Variants in TMC1 observed in about 807,000 individuals in gnomAD.
TMC1 encodes the protein transmembrane channel like 1.
Under a neutral mutation model 105.8 loss-of-function variants are expected in TMC1, and 84 were observed. The observed-to-expected ratio is 0.79, with a 90% CI of 0.67 to 0.95. TMC1 has a LOEUF of 0.95. Ranked by LOEUF, TMC1 falls within the 40% of genes least tolerant of loss-of-function variation. TMC1 has a pLI of 0.00. For missense variants in TMC1, 817 were observed against 914.1 expected (o/e 0.89, Z 1.37); for synonymous variants, 315 against 311.5 (o/e 1.01, Z -0.12).
intron 5 of TMC1, among the ~76,000 whole-genome samples, chr9:72,659,096 A>AT: frequency 6.6e-6 from 1 of 152,328 alleles, no homozygotes; most frequent in East Asian, 1.9e-4. Flanking sequence ...AGATGCCTAT[A>AT]TTCACTTCCG....
intron 1 of TMC1, among the ~76,000 whole-genome samples, chr9:72,543,076 G>T (rs776662259): frequency 2.0e-5 from 3 of 152,156 alleles, no homozygotes; most frequent in Non-Finnish European, 4.4e-5. Context: ...AAGGTGTCAT[G>T]TTACATTTTA....
chr9:72,821,235 T>G (rs1445168950), intron 20 of TMC1, among the ~76,000 whole-genome samples, 154 bp downstream of exon 20: 4 of 152,182 alleles, frequency 2.6e-5, no homozygotes, highest in Non-Finnish European at 2.9e-5. Context: ...GGCTCATGCC[T>G]GTAATCCCAG....
At chr9:72,681,416 T>G (rs955759227) in intron 5 of TMC1, among the ~76,000 whole-genome samples, 1 of 152,070 alleles carries the variant, frequency 6.6e-6, no homozygotes, top group Non-Finnish European at 1.5e-5. Flanking sequence ...AAGCCAGCCC[T>G]CCAAACCACA....
chr9:72,604,775 A>T (rs144531231), intron 2 of TMC1, among the ~76,000 whole-genome samples: 6,485 of 152,340 alleles, frequency 0.043, 210 homozygotes, highest in Middle Eastern at 0.095. Context: ...ACTTAAAAAC[A>T]GTTTAAAGAA....
intron 2 of TMC1, among the ~76,000 whole-genome samples, chr9:72,582,185 G>T (rs1040886658): frequency 6.6e-6 from 1 of 152,156 alleles, no homozygotes; most frequent in Non-Finnish European, 1.5e-5. Flanking sequence ...TCTAATTCCC[G>T]ACCTCAGGTG....
At position 72,734,175 on chromosome 9, in the gene TMC1, A is replaced by C. The variant is rs145726828; in HGVS notation, c.363-5944A>C. ...GACAGCACACAATTTAAAACTTATG[A>C]ATTGTTTATTTCTGGAATTTTCCAT... is the stretch of plus-strand genomic sequence containing the variant. On this transcript the variant is annotated intron_variant, in intron 8 of 23. Coordinates refer to ENST00000297784, the MANE Select transcript of TMC1 (RefSeq NM_138691.3). Among the ~76,000 whole-genome samples the C allele has an allele frequency of 2.4e-3, 364 of 152,212 alleles. 2 individuals carry two copies. Among genetic ancestry groups the C allele is most frequent in the African/African-American group, 8.1e-3 (337 of 41,530 alleles).
chr9:72,647,158 AAG>A (rs1257372051), intron 4 of TMC1, among the ~76,000 whole-genome samples: 1 of 151,298 alleles, frequency 6.6e-6, no homozygotes, highest in Admixed American at 6.6e-5. Flanking sequence ...AAAAAAAAAA[AAG>A]AGAGAGAAAA....
intron 10 of TMC1, among the ~76,000 whole-genome samples, chr9:72,743,872 A>G (rs1271415796): frequency 6.6e-6 from 1 of 152,236 alleles, no homozygotes; most frequent in African/African-American, 2.4e-5. Flanking sequence ...AAGGGATAAC[A>G]TTTGAAACAA....
Position 72,661,025 on chromosome 9 carries a change from G to A in TMC1, c.16+12361G>A, listed in dbSNP as rs375710638. On this transcript the variant is annotated intron_variant, in intron 5 of 23. Transcript: ENST00000297784. ...AAATTAGCCATGCATGGTGGCACGCGCCTGTAGTCCCAGCTACTTGGGAGG... is the reference window on the plus strand; with the variant it reads ...AAATTAGCCATGCATGGTGGCACGCACCTGTAGTCCCAGCTACTTGGGAGG... 2.6e-5 allele frequency among the ~76,000 whole-genome samples: 4 copies of A among 152,160 alleles called. No homozygotes were observed. The East Asian group carries it at 5.8e-4, about 22-fold the overall frequency.
chr9:72,581,701 G>A (rs1262221646), intron 2 of TMC1, among the ~76,000 whole-genome samples: 3 of 152,140 alleles, frequency 2.0e-5, no homozygotes, highest in Non-Finnish European at 4.4e-5. Flanking sequence ...TTTTTCCTGA[G>A]TAACAGCTCA....
rs1203970498 is a variant in TMC1 at position 72,738,570 on chromosome 9, A to G, written c.363-1549A>G. On this transcript the variant is annotated intron_variant, in intron 8 of 23. Transcript: ENST00000297784. Reference sequence around the variant, plus strand: ...GTAGCTGGGACTACAGGTACACACCACCACGCCTGGTCGATTTTTGTATTT... The same window carrying G: ...GTAGCTGGGACTACAGGTACACACCGCCACGCCTGGTCGATTTTTGTATTT... Among the ~76,000 whole-genome samples, 3 of 152,040 alleles carry G rather than the reference A, an allele frequency of 2.0e-5. No homozygotes were observed. In the East Asian group the frequency reaches 5.8e-4, roughly 29 times the overall value.
At position 72,685,100 on chromosome 9, in the gene TMC1, C is replaced by CTTTTT. The variant is rs71359515; in HGVS notation, c.17-3589_17-3585dup. On this transcript the variant is annotated intron_variant, in intron 5 of 23. Transcript: ENST00000297784. ...CAAACCTTACTGTTATAAAGTCATT[C>CTTTTT]TTTTTTTTTTTTTTTTTTTTTTTTG... Among the ~76,000 whole-genome samples the CTTTTT allele has an allele frequency of 7.2e-3, 652 of 91,012 alleles. 41 individuals are homozygous for CTTTTT. Among genetic ancestry groups the CTTTTT allele is most frequent in the African/African-American group, 0.026 (540 of 21,098 alleles). The allele number at this position is 91,012 out of a possible 152,430, so 59.7% of individuals were successfully genotyped here. A position where few individuals can be genotyped will look rare whatever the true frequency, so the allele number is the denominator to read the frequency against.
chr9:72,608,671 C>T (rs941347432), intron 2 of TMC1, among the ~76,000 whole-genome samples: 5 of 147,556 alleles, frequency 3.4e-5, no homozygotes, highest in African/African-American at 7.6e-5. Context: ...GGCACTACTG[C>T]AGTCCAGTCT....
intron 11 of TMC1, among the ~76,000 whole-genome samples, chr9:72,753,759 G>A (rs367662770): frequency 2.0e-5 from 3 of 152,076 alleles, no homozygotes; most frequent in African/African-American, 4.8e-5. Context: ...TCTACCCGAC[G>A]GGCTCACTCA....
At chr9:72,770,385 T>TTA (rs35701289) in intron 12 of TMC1, among the ~76,000 whole-genome samples, 14,764 of 141,230 alleles carry the variant, frequency 0.1, 897 homozygotes, top group African/African-American at 0.18. Context: ...ATATAAATCT[T>TTA]TATATATATA....
Position 72,788,346 on chromosome 9 carries a change from A to G in TMC1, c.892A>G (p.Lys298Glu), listed in dbSNP as rs1349241233. The change falls in exon 14 of 24, where the codon AAA (lysine) becomes GAA (glutamate). Residue 298 changes from lysine to glutamate, a missense_variant. Coordinates refer to ENST00000297784, the MANE Select transcript of TMC1 (RefSeq NM_138691.3). ...AACTTCCTGTTTTTGCAGAATGACC[A>G]AAAACATTGGTGATGATGGAGGTGG... The part of the protein sequence containing the change: ...SFLVVLKAMT[K>E]NIGDDGGGDD... 5 of 1,613,952 alleles carry G rather than the reference A, an allele frequency of 3.1e-6. No individual in the cohort carries two copies. The South Asian group carries it at 5.5e-5, about 18-fold the overall frequency.
At chr9:72,732,353 A>T (rs1319221561) in intron 8 of TMC1, among the ~76,000 whole-genome samples, 1 of 152,196 alleles carries the variant, frequency 6.6e-6, no homozygotes, top group Non-Finnish European at 1.5e-5. Context: ...ACTTGAGGTC[A>T]GGAGTTCGAA....
At chr9:72,718,126 C>T (rs550555152) in intron 8 of TMC1, among the ~76,000 whole-genome samples, 8 of 151,902 alleles carry the variant, frequency 5.3e-5, no homozygotes, top group Non-Finnish European at 1.2e-4. Context: ...TTTTTTATTT[C>T]CTTAAGTTGG....
intron 10 of TMC1, among the ~76,000 whole-genome samples, chr9:72,748,800 A>T (rs1827533314): frequency 6.6e-6 from 1 of 152,082 alleles, no homozygotes; most frequent in Admixed American, 6.5e-5. Context: ...TAAGATCTTC[A>T]TTTGTTTTGT....
Sources: allele counts gnomAD v4.1 joint callset (sites outside exome capture counted in the v4.1 genomes callset), GRCh38; gene constraint gnomAD v4.1.1; transcripts MANE v1.5; gene names NCBI Gene and HGNC (gene_info 2026-07-23, HGNC 2026-07-21).